The following EVI5 variants were observed in gnomAD, a reference collection of about 807,000 sequenced individuals.
EVI5 encodes the protein ecotropic viral integration site 5 protein homolog.
In EVI5, 73 loss-of-function variants were observed where a neutral mutation model predicts 112.0. The ratio of observed to expected loss-of-function variants is 0.65; its 90% CI spans 0.54 to 0.79. EVI5 has a LOEUF of 0.79. EVI5 is among the 30% of genes least tolerant of loss of function. EVI5 has a pLI of 0.00. For synonymous variants in EVI5, 305 were observed against 319.9 expected (o/e 0.95, Z 0.50); for missense variants, 900 against 968.8 (o/e 0.93, Z 0.94).
At chr1:92,541,829 T>G (rs898976486) in intron 19 of EVI5, among the ~76,000 whole-genome samples, 1 of 152,222 alleles carries the variant, frequency 6.6e-6, no homozygotes, top group African/African-American at 2.4e-5. Context: ...GTCTGTTAAG[T>G]GTGCAACAGT....
At chr1:92,696,361 C>G (rs751819270) in intron 6 of EVI5, among the ~76,000 whole-genome samples, 1 of 152,070 alleles carries the variant, frequency 6.6e-6, no homozygotes, top group Non-Finnish European at 1.5e-5. Context: ...TGCCTGTAAT[C>G]CCAGCACTTT....
At chr1:92,756,700 C>T (rs956524326) in intron 1 of EVI5, 9 of 490,186 alleles carry the variant, frequency 1.8e-5, no homozygotes, top group East Asian at 1.1e-4. Flanking sequence ...TAGACCTCAC[C>T]GCTGTATCGC....
At chr1:92,607,770 C>G in intron 16 of EVI5, 43 bp from the exon 17 acceptor site, 1 of 1,421,468 alleles carries the variant, frequency 7.0e-7, no homozygotes, top group Non-Finnish European at 9.5e-7. Context: ...AGATACAAGA[C>G]CTAAAAATTA....
chr1:92,665,877 T>C (rs1664798269), intron 11 of EVI5, 62 bp downstream of exon 11: 2 of 1,192,874 alleles, frequency 1.7e-6, no homozygotes, highest in South Asian at 1.3e-5. Flanking sequence ...GGATTTTTAA[T>C]AAATATACAG....
At position 92,560,271 on chromosome 1, in the gene EVI5, A is replaced by G. The variant is rs141360194; in HGVS notation, c.2166+3371T>C. Among the ~76,000 whole-genome samples, 388 of 152,314 alleles carry G rather than the reference A, an allele frequency of 2.5e-3. 1 individual carries two copies. The highest frequency in any genetic ancestry group is 9.1e-3 in the African/African-American group (378 of 41,568). On this transcript the variant is annotated intron_variant, in intron 19 of 19. Transcript: ENST00000684568. ...ATGACAAAGTAAAATCTCACAAACA[A>G]TGTTGAGCAAAACAAGCAAGACACA...
At position 92,598,621 on chromosome 1, in the gene EVI5, G is replaced by A. The variant is rs190651533; in HGVS notation, c.2070+6686C>T. 2.0e-3 allele frequency among the ~76,000 whole-genome samples: 299 copies of A among 152,170 alleles called. 1 individual carries two copies. The highest frequency in any genetic ancestry group is 3.4e-3 in the Non-Finnish European group (230 of 67,992). ...TAAATGCTATACATGGCATAGTATT[G>A]TTTTATATGTGATAGAACCTTAGAG... is the stretch of plus-strand genomic sequence containing the variant. On this transcript the variant is annotated intron_variant, in intron 18 of 19. Coordinates refer to ENST00000684568, the MANE Select transcript of EVI5 (RefSeq NM_001350197.2).
intron 13 of EVI5, among the ~76,000 whole-genome samples, chr1:92,647,841 G>A (rs1009833266): frequency 2.0e-5 from 3 of 151,844 alleles, no homozygotes; most frequent in Non-Finnish European, 4.4e-5. Context: ...CTGGGTTCAA[G>A]TGATTCTCAT....
intron 19 of EVI5, among the ~76,000 whole-genome samples, chr1:92,559,916 A>G (rs1246104757): frequency 6.6e-6 from 1 of 151,878 alleles, no homozygotes; most frequent in Non-Finnish European, 1.5e-5. Context: ...TCATTGTTCT[A>G]TATACTGGGG....
intron 18 of EVI5, among the ~76,000 whole-genome samples, chr1:92,600,860 T>C (rs1268218762): frequency 6.6e-6 from 1 of 152,094 alleles, no homozygotes; most frequent in Non-Finnish European, 1.5e-5. Context: ...CTGGTAAAGA[T>C]GGTTCCTGAA....
chr1:92,526,177 G>A (rs570043599), intron 19 of EVI5, among the ~76,000 whole-genome samples: 11 of 152,296 alleles, frequency 7.2e-5, no homozygotes, highest in African/African-American at 2.6e-4. Flanking sequence ...TTCTGCCTCA[G>A]CCTTCTGAGC....
intron 19 of EVI5, among the ~76,000 whole-genome samples, chr1:92,556,820 T>G (rs1357178982): frequency 6.6e-6 from 1 of 150,654 alleles, no homozygotes; most frequent in Admixed American, 6.6e-5. Context: ...ACCCTTTTAT[T>G]TTTTTTTTAG....
chr1:92,607,542 T>G (rs750172797), intron 17 of EVI5, 39 bp downstream of exon 17: 1 of 1,447,768 alleles, frequency 6.9e-7, no homozygotes, highest in South Asian at 1.3e-5. Context: ...GGCATTATTA[T>G]ATTGACAAAA....
At chr1:92,606,403 T>G (rs1397485300) in intron 17 of EVI5, among the ~76,000 whole-genome samples, 1 of 152,226 alleles carries the variant, frequency 6.6e-6, no homozygotes, top group Non-Finnish European at 1.5e-5. Context: ...TAGTTATCTA[T>G]AAGATGTCAA....
intron 1 of EVI5, among the ~76,000 whole-genome samples, chr1:92,778,418 C>T (rs1404527757): frequency 6.6e-6 from 1 of 152,078 alleles, no homozygotes; most frequent in Non-Finnish European, 1.5e-5. Flanking sequence ...ACAGATTTCT[C>T]TTCTCAAGAG....
intron 19 of EVI5, among the ~76,000 whole-genome samples, chr1:92,559,655 C>A (rs2100850746): frequency 6.6e-6 from 1 of 151,524 alleles, no homozygotes; most frequent in Non-Finnish European, 1.5e-5. Flanking sequence ...GTGCCTGTAA[C>A]CCTAGCTACT....
At chr1:92,716,211 G>A (rs1673650553) in intron 2 of EVI5, among the ~76,000 whole-genome samples, 1 of 152,104 alleles carries the variant, frequency 6.6e-6, no homozygotes, top group Admixed American at 6.5e-5. Flanking sequence ...CTCCCAGTAG[G>A]GGCCGACTGA....
At chr1:92,769,674 A>T (rs1683110376) in intron 1 of EVI5, among the ~76,000 whole-genome samples, 1 of 152,190 alleles carries the variant, frequency 6.6e-6, no homozygotes, top group Non-Finnish European at 1.5e-5. Flanking sequence ...TCACAAGGTC[A>T]GATCAAGACC....
At chr1:92,654,422 G>A (rs1245651160) in intron 13 of EVI5, among the ~76,000 whole-genome samples, 2 of 152,042 alleles carry the variant, frequency 1.3e-5, no homozygotes, top group African/African-American at 4.8e-5. Flanking sequence ...TAGCATTTGA[G>A]AAAACCACCA....
At chr1:92,593,675 C>A (rs371237391) in intron 18 of EVI5, among the ~76,000 whole-genome samples, 1 of 152,070 alleles carries the variant, frequency 6.6e-6, no homozygotes, top group Middle Eastern at 3.2e-3. Flanking sequence ...AAAACCCCAT[C>A]GTCTCAGCCC....
Sources: gnomAD v4.1 joint callset for allele counts (sites outside exome capture counted in the v4.1 genomes callset) on GRCh38, gnomAD v4.1.1 for gene constraint, MANE v1.5 for transcripts, NCBI Gene and HGNC (gene_info 2026-07-23, HGNC 2026-07-21) for gene names.